The following INSC variants were observed in gnomAD, a reference collection of about 807,000 sequenced individuals.
The protein encoded by INSC is INSC spindle orientation adaptor protein.
INSC carries 67 observed loss-of-function variants against 58.6 expected under a neutral mutation model. The ratio of observed to expected loss-of-function variants is 1.14; its 90% CI spans 0.94 to 1.40. The LOEUF (loss-of-function observed/expected upper bound fraction) is 1.40. Ranked by LOEUF, INSC falls within the 40% of genes most tolerant of loss-of-function variation. The pLI, the probability that INSC is intolerant of heterozygous loss-of-function variation, is 0.00. For missense variants in INSC, 714 were observed against 692.0 expected (o/e 1.03, Z -0.36); for synonymous variants, 262 against 276.1 (o/e 0.95, Z 0.51).
At chr11:15,245,423 G>T (rs991015343) in intron 12 of INSC, among the ~76,000 whole-genome samples, 1 of 152,140 alleles carries the variant, frequency 6.6e-6, no homozygotes, top group African/African-American at 2.4e-5. Context: ...GGGAGCTGGG[G>T]AGTGATTTTA....
the INSC span, among the ~76,000 whole-genome samples, chr11:15,252,286 A>G: frequency 9.2e-5 from 14 of 152,326 alleles, no homozygotes; most frequent in African/African-American, 3.4e-4. Context: ...GATGAAAATT[A>G]ATGGTGAATG....
chr11:15,138,136 TA>T (rs1848289154), intron 1 of INSC, among the ~76,000 whole-genome samples: 3 of 146,632 alleles, frequency 2.0e-5, no homozygotes, highest in African/African-American at 7.6e-5. Flanking sequence ...CAAAACTTAT[TA>T]GTTAAGTTTG....
chr11:15,118,679 G>A (rs1847795375), intron 1 of INSC, among the ~76,000 whole-genome samples: 1 of 152,176 alleles, frequency 6.6e-6, no homozygotes, highest in African/African-American at 2.4e-5. Context: ...GACTAAGACT[G>A]GACCACATCT....
intron 1 of INSC, among the ~76,000 whole-genome samples, chr11:15,128,335 C>T (rs1848047658): frequency 6.6e-6 from 1 of 152,172 alleles, no homozygotes; most frequent in African/African-American, 2.4e-5. Context: ...TATTGCCTAA[C>T]AAAATCCCTC....
chr11:15,173,030 T>C (rs1254074701), intron 2 of INSC, among the ~76,000 whole-genome samples: 1 of 152,230 alleles, frequency 6.6e-6, no homozygotes, highest in Non-Finnish European at 1.5e-5. Context: ...TGTGGCAACA[T>C]CTATTGAATT....
intron 1 of INSC, among the ~76,000 whole-genome samples, chr11:15,144,626 C>A (rs1476570262): frequency 6.6e-6 from 1 of 152,198 alleles, no homozygotes. Flanking sequence ...ATATTGACAG[C>A]CCTAATGGGA....
At chr11:15,138,067 C>A (rs1848287586) in intron 1 of INSC, among the ~76,000 whole-genome samples, 1 of 151,800 alleles carries the variant, frequency 6.6e-6, no homozygotes, top group South Asian at 2.1e-4. Context: ...AACAGGGAGC[C>A]CAGAGGAGAG....
chr11:15,182,252 G>A (rs756487578), intron 5 of INSC, among the ~76,000 whole-genome samples: 6 of 152,060 alleles, frequency 3.9e-5, no homozygotes, highest in Non-Finnish European at 8.8e-5. Flanking sequence ...GTCCCAGGAT[G>A]TCATCCTTAG....
At chr11:15,174,712 A>G (rs538036442) in intron 2 of INSC, among the ~76,000 whole-genome samples, 1 of 152,162 alleles carries the variant, frequency 6.6e-6, no homozygotes, top group South Asian at 2.1e-4. Context: ...GAAATTTGTT[A>G]TTGTCTTTTT....
chr11:15,265,074 G>A, the INSC span, among the ~76,000 whole-genome samples: 2 of 152,114 alleles, frequency 1.3e-5, no homozygotes, highest in East Asian at 3.8e-4. Flanking sequence ...AACAAGGAAT[G>A]AAAGGTAAAA....
At chr11:15,136,447 T>G (rs1297364062) in intron 1 of INSC, among the ~76,000 whole-genome samples, 1 of 152,154 alleles carries the variant, frequency 6.6e-6, no homozygotes, top group Non-Finnish European at 1.5e-5. Flanking sequence ...CTCTTCTTTT[T>G]ATGAAAAATT....
intron 6 of INSC, among the ~76,000 whole-genome samples, chr11:15,192,263 T>C (rs1850206554): frequency 6.6e-6 from 1 of 152,198 alleles, no homozygotes; most frequent in African/African-American, 2.4e-5. Context: ...CAGCTGCTTG[T>C]CTGAGGAGAA....
At chr11:15,201,187 C>T (rs1850577521) in intron 7 of INSC, among the ~76,000 whole-genome samples, 1 of 152,146 alleles carries the variant, frequency 6.6e-6, no homozygotes. Context: ...ACACTCAGCA[C>T]TTCCTGGGTG....
At chr11:15,117,567 C>A (rs556310667) in intron 1 of INSC, among the ~76,000 whole-genome samples, 4 of 152,292 alleles carry the variant, frequency 2.6e-5, no homozygotes, top group Admixed American at 6.5e-5. Flanking sequence ...GGAACCATTG[C>A]TTTGACTTCT....
chr11:15,228,280 C>T (rs893410886), intron 9 of INSC, among the ~76,000 whole-genome samples: 2 of 152,182 alleles, frequency 1.3e-5, no homozygotes, highest in Non-Finnish European at 2.9e-5. Context: ...GTGTAGAAGT[C>T]CCCTTCTTAT....
chr11:15,252,457 G>T, the INSC span, among the ~76,000 whole-genome samples: 1 of 152,230 alleles, frequency 6.6e-6, no homozygotes, highest in South Asian at 2.1e-4. Context: ...TGGAGGATCT[G>T]CTTTCAAGGT....
the INSC span, among the ~76,000 whole-genome samples, chr11:15,262,946 G>C: frequency 6.6e-6 from 1 of 151,988 alleles, no homozygotes; most frequent in African/African-American, 2.4e-5. Flanking sequence ...ATATGAATAA[G>C]AATATTTAAT....
chr11:15,175,941 C>T lies in INSC; in HGVS notation c.257C>T (p.Thr86Ile). ...CTCAAACGGGGTTGGGTCATTAGCA[C>T]AGAGCTGCGCAGGATCGGGCAGAAG... ...LLLKRGWVIS[T>I]ELRRIGQKLA... is the part of the protein sequence containing the mutation. Residue 86 changes from threonine to isoleucine, a missense_variant, in exon 3 of 13, where the codon ACA becomes ATA. By Grantham distance (89) the Thr-to-Ile change is moderately conservative. Transcript: ENST00000379556. 2 of 1,614,146 alleles carry T rather than the reference C, an allele frequency of 1.2e-6. No individual in the cohort carries two copies. The highest frequency in any genetic ancestry group is 1.7e-6 in the Non-Finnish European group (2 of 1,180,000).
At chr11:15,175,606 T>C in intron 2 of INSC, 135 bp from the exon 3 acceptor site, 1 of 564,218 alleles carries the variant, frequency 1.8e-6, no homozygotes, top group Non-Finnish European at 2.9e-6. Context: ...TGACTGAGAA[T>C]ATCAAGGTGC....
Sources: allele counts gnomAD v4.1 joint callset (sites outside exome capture counted in the v4.1 genomes callset), GRCh38; gene constraint gnomAD v4.1.1; transcripts MANE v1.5; gene names NCBI Gene and HGNC (gene_info 2026-07-23, HGNC 2026-07-21).